Variants in UTP4 observed in about 807,000 individuals in gnomAD.
The protein encoded by UTP4 is UTP4 small subunit processome component, also known as U3 small nucleolar RNA-associated protein 4 homolog.
In UTP4, 45 loss-of-function variants were observed where a neutral mutation model predicts 82.4. The ratio of observed to expected loss-of-function variants is 0.55; its 90% CI spans 0.43 to 0.70. UTP4 has a LOEUF of 0.70. UTP4 is among the 30% of genes least tolerant of loss of function. The pLI is 0.00. For synonymous variants in UTP4, 348 were observed against 300.3 expected (o/e 1.16, Z -1.64); for missense variants, 819 against 858.3 (o/e 0.95, Z 0.57).
chr16:69,142,791 T>A (rs1402350282), intron 5 of UTP4, among the ~76,000 whole-genome samples: 2 of 152,190 alleles, frequency 1.3e-5, no homozygotes, highest in Non-Finnish European at 2.9e-5. Flanking sequence ...TTTAAGTGAA[T>A]GTCCCAAATG....
intron 16 of UTP4, among the ~76,000 whole-genome samples, chr16:69,168,595 T>C (rs186844283): frequency 2.0e-5 from 3 of 152,238 alleles, no homozygotes; most frequent in African/African-American, 4.8e-5. Flanking sequence ...ACCACTGCTC[T>C]CCTGCCTAGG....
At chr16:69,134,746 AG>A (rs1379659502) in intron 2 of UTP4, among the ~76,000 whole-genome samples, 9 of 129,668 alleles carry the variant, frequency 6.9e-5, no homozygotes, top group African/African-American at 2.7e-4. Flanking sequence ...TCTGTCACCC[AG>A]GCTGGAGTGC....
chr16:69,163,339 C>G (rs189833334), intron 14 of UTP4, among the ~76,000 whole-genome samples, 161 bp downstream of exon 14: 1 of 152,212 alleles, frequency 6.6e-6, no homozygotes, highest in African/African-American at 2.4e-5. Context: ...CTGGGCTCAT[C>G]ATAGGCCAGC....
intron 15 of UTP4, 29 bp downstream of exon 15, chr16:69,165,555 C>A (rs1963681518): frequency 6.3e-7 from 1 of 1,585,782 alleles, no homozygotes; most frequent in Non-Finnish European, 8.7e-7. Flanking sequence ...CCTCCCAAAT[C>A]TTCTTCTGAA....
intron 6 of UTP4, among the ~76,000 whole-genome samples, 184 bp from the exon 7 acceptor site, chr16:69,150,353 C>G (rs1279282489): frequency 6.6e-6 from 1 of 152,108 alleles, no homozygotes; most frequent in East Asian, 1.9e-4. Flanking sequence ...GCATTGTTAC[C>G]AGTGTCTGAG....
intron 14 of UTP4, 142 bp downstream of exon 14, chr16:69,163,320 C>T (rs1191643881): frequency 2.2e-5 from 16 of 715,772 alleles, no homozygotes; most frequent in Non-Finnish European, 4.0e-5. Flanking sequence ...GTAAAGCTTC[C>T]TTGCCGGTCT....
At chr16:69,132,727 GC>G (rs1225036688) in intron 1 of UTP4, 38 bp downstream of exon 1, 4 of 258,588 alleles carry the variant, frequency 1.5e-5, no homozygotes, top group African/African-American at 2.4e-5. Flanking sequence ...GGCTGCGAGA[GC>G]TGGGGGGGTC....
intron 5 of UTP4, among the ~76,000 whole-genome samples, chr16:69,142,811 A>G (rs555340995): frequency 6.6e-6 from 1 of 151,818 alleles, no homozygotes; most frequent in Non-Finnish European, 1.5e-5. Context: ...GTCTCTTTCC[A>G]TTTCACCCCA....
At chr16:69,150,223 A>T (rs1257571771) in intron 6 of UTP4, among the ~76,000 whole-genome samples, 1 of 152,146 alleles carries the variant, frequency 6.6e-6, no homozygotes, top group Non-Finnish European at 1.5e-5. Context: ...CTTTCGAAGG[A>T]TTTAAATTTC....
In UTP4 at chr16:69,136,783, A is replaced by G; in HGVS notation, c.247A>G (p.Ile83Val). 1.2e-6 allele frequency: 2 copies of G among 1,614,096 alleles called. No homozygotes were observed. Among genetic ancestry groups the G allele is most frequent in the Non-Finnish European group, 8.5e-7 (1 of 1,180,014 alleles). Residue 83 changes from isoleucine to valine, a missense_variant, in exon 3 of 17, where the codon ATT becomes GTT. Transcript: ENST00000314423. The part of the protein sequence containing the change: ...RLFSAGLNGE[I>V]MEYDLQALNI... ...CTTTAGTGCTGGGCTCAATGGCGAG[A>G]TTATGGAGTATGATTTACAGGCGTT...
At chr16:69,150,472 G>C (rs1425805550) in intron 6 of UTP4, 65 bp from the exon 7 acceptor site, 1 of 1,573,080 alleles carries the variant, frequency 6.4e-7, no homozygotes, top group Admixed American at 1.7e-5. Context: ...AGAAAGCCTC[G>C]GAATATTTTT....
chr16:69,165,723 G>A (rs762860307), intron 15 of UTP4, 197 bp downstream of exon 15: 28 of 658,116 alleles, frequency 4.3e-5, no homozygotes, highest in Non-Finnish European at 6.3e-5. Context: ...ACAGTTCTTC[G>A]GGAGGCTCTC....
chr16:69,157,152 C>G lies in UTP4; in HGVS notation c.1356C>G (p.Leu452=). 1 of 1,614,224 alleles carries G rather than the reference C, an allele frequency of 6.2e-7. No homozygotes were observed. The highest frequency in any genetic ancestry group is 8.5e-7 in the Non-Finnish European group (1 of 1,180,036). Residue 452 remains leucine, a synonymous_variant, in exon 12 of 17, where the codon CTC becomes CTG. Transcript: ENST00000314423. ...TGTTTTCTGAAGATTCAACAAAGCT[C>G]TTTGTAGCATCAAATCAAGGAGCTC... ...QILFSEDSTK[L]FVASNQGALH...
At chr16:69,147,378 G>A (rs1243150512) in intron 6 of UTP4, among the ~76,000 whole-genome samples, 2 of 151,670 alleles carry the variant, frequency 1.3e-5, no homozygotes, top group Admixed American at 6.6e-5. Flanking sequence ...GGCGGTATGC[G>A]CCTGTAGTCC....
chr16:69,166,049 C>A, intron 15 of UTP4: 1 of 188,112 alleles, frequency 5.3e-6, no homozygotes, highest in Non-Finnish European at 1.1e-5. Context: ...TAGGAAAATT[C>A]TTCATGGCTG....
chr16:69,136,952 C>G (rs1283172355), intron 3 of UTP4, 65 bp downstream of exon 3: 1 of 1,363,846 alleles, frequency 7.3e-7, no homozygotes, highest in Non-Finnish European at 1.1e-6. Flanking sequence ...ACTTTCTTCC[C>G]TGTGCTCATA....
In UTP4 at chr16:69,160,447, C is replaced by T. The variant is rs144493973; in HGVS notation, c.1536C>T (p.Asn512=). The T allele has an allele frequency of 5.6e-5, 91 of 1,613,322 alleles. No individual in the cohort carries two copies. Among genetic ancestry groups the T allele is most frequent in the African/African-American group, 2.0e-4 (15 of 74,878 alleles). ...SGTSAGVHVY[N]VKQLKLHCTV... ...CCAGTGCTGGAGTCCATGTCTACAA[C>T]GTAAAACAGCTAAAGGTGAGCATAG... The change falls in exon 13 of 17, where the codon AAC becomes AAT. Residue 512 remains asparagine (N), a synonymous_variant. Transcript: ENST00000314423.
intron 12 of UTP4, among the ~76,000 whole-genome samples, chr16:69,158,468 T>C (rs1472446386): frequency 6.6e-6 from 1 of 151,872 alleles, no homozygotes; most frequent in Non-Finnish European, 1.5e-5. Flanking sequence ...CTAGTGAAAG[T>C]CAACTCTTTT....
chr16:69,136,314 G>A (rs138801133), intron 2 of UTP4, among the ~76,000 whole-genome samples: 181 of 152,284 alleles, frequency 1.2e-3, no homozygotes, highest in African/African-American at 3.5e-3. Context: ...TGCAGCCTCC[G>A]CCTCCCAGGC....
Sources: gnomAD v4.1 joint callset for allele counts (sites outside exome capture counted in the v4.1 genomes callset) on GRCh38, gnomAD v4.1.1 for gene constraint, MANE v1.5 for transcripts, NCBI Gene and HGNC (gene_info 2026-07-23, HGNC 2026-07-21) for gene names.